TDRD5: variants seen among roughly 807,000 people sequenced by gnomAD.
TDRD5 encodes the protein tudor domain containing 5.
TDRD5 carries 41 observed loss-of-function variants against 120.6 expected under a neutral mutation model. The observed-to-expected ratio is 0.34, with a 90% CI of 0.26 to 0.44. TDRD5 has a LOEUF of 0.44. Among genes scored for constraint, TDRD5 ranks in the 20% least tolerant of loss-of-function variants. The pLI is 1.00. For synonymous variants in TDRD5, 430 were observed against 433.7 expected (o/e 0.99, Z 0.11); for missense variants, 1,006 against 1,221.2 (o/e 0.82, Z 2.63).
rs754420624 is a variant in TDRD5 at position 179,669,220 on chromosome 1, T to G, written c.2676T>G (p.Asp892Glu). 8 of 1,613,812 alleles carry G rather than the reference T, an allele frequency of 5.0e-6. No homozygotes were observed. In the Admixed American group the frequency reaches 1.3e-4, roughly 27 times the overall value. ...AACTAGACATAAATGGTTCTTCAGA[T>G]TCTTCCACACTGCCCAAATTGGAAG... is the stretch of plus-strand genomic sequence containing the variant. ...QKQLDINGSSDSSTLPKLEEF... is the reference protein window; with the variant it reads ...QKQLDINGSSESSTLPKLEEF... Residue 892 changes from aspartate (D) to glutamate (E), a missense_variant, in exon 17 of 18, where the codon GAT becomes GAG. Asp to Glu is a conservative substitution (Grantham distance 45). Coordinates refer to ENST00000444136, the MANE Select transcript of TDRD5 (RefSeq NM_001199085.3).
In TDRD5 at chr1:179,621,473, T is replaced by C. The variant is rs147839522; in HGVS notation, c.972+382T>C. Among the ~76,000 whole-genome samples the C allele has an allele frequency of 2.2e-3, 335 of 152,190 alleles. 6 individuals carry two copies. The highest frequency in any genetic ancestry group is 7.6e-3 in the African/African-American group (316 of 41,526). ...AGTTGAAGGTATGCACCCTCAGGGA[T>C]CCAGTAGTTCCACTTTTACATTTGC... On this transcript the variant is annotated intron_variant, in intron 6 of 17. Coordinates refer to ENST00000444136, the MANE Select transcript of TDRD5 (RefSeq NM_001199085.3).
intron 4 of TDRD5, among the ~76,000 whole-genome samples, chr1:179,610,134 T>C (rs1464493662): frequency 1.3e-5 from 2 of 152,196 alleles, no homozygotes; most frequent in African/African-American, 4.8e-5. Flanking sequence ...TTTCTAGTTA[T>C]TTATGGCAGG....
rs774275509 is a variant in TDRD5, at chr1:179,635,822, A to C, written c.1455A>C (p.Gln485His). 1 of 1,613,878 alleles carries C rather than the reference A, an allele frequency of 6.2e-7. No homozygotes were observed. Among genetic ancestry groups the C allele is most frequent in the Non-Finnish European group, 8.5e-7 (1 of 1,179,970 alleles). Reference sequence around the variant, plus strand: ...TGGAGTATATCATCTCTCCTAGTCAATTCTACATCCGGATCTATAGCAGGG... The same window carrying C: ...TGGAGTATATCATCTCTCCTAGTCACTTCTACATCCGGATCTATAGCAGGG... The part of the protein sequence containing the change: ...VFVEYIISPS[Q>H]FYIRIYSRDS... The change falls in exon 9 of 18, where the codon CAA (glutamine) becomes CAC (histidine). Residue 485 changes from glutamine (Q) to histidine (H), a missense_variant. This residue lies in a region of TDRD5 where 158 missense variants were observed against 257.5 expected (regional missense o/e 0.61). Transcript: ENST00000444136.
chr1:179,650,156 C>T (rs987543567), intron 11 of TDRD5, among the ~76,000 whole-genome samples: 1 of 151,990 alleles, frequency 6.6e-6, no homozygotes, highest in Non-Finnish European at 1.5e-5. Flanking sequence ...ATCCTAGAAC[C>T]TTGGGAGGCC....
chr1:179,686,834 G>A (rs1268695458), intron 17 of TDRD5, among the ~76,000 whole-genome samples: 1 of 152,166 alleles, frequency 6.6e-6, no homozygotes, highest in Non-Finnish European at 1.5e-5. Context: ...TTGCACAGAG[G>A]TATTTACAGT....
intron 4 of TDRD5, among the ~76,000 whole-genome samples, chr1:179,606,502 T>G (rs1429782653): frequency 6.6e-6 from 1 of 152,124 alleles, no homozygotes; most frequent in Non-Finnish European, 1.5e-5. Flanking sequence ...TTCTAGAAAC[T>G]CATCGCCTTA....
intron 16 of TDRD5, among the ~76,000 whole-genome samples, chr1:179,665,863 T>G (rs2147769644): frequency 6.6e-6 from 1 of 152,290 alleles, no homozygotes; most frequent in Middle Eastern, 3.4e-3. Context: ...TGAATATCCC[T>G]TATTCAAAAG....
At chr1:179,687,688 G>A (rs1362452812) in intron 17 of TDRD5, among the ~76,000 whole-genome samples, 1 of 151,706 alleles carries the variant, frequency 6.6e-6, no homozygotes, top group African/African-American at 2.4e-5. Context: ...AAGTCTCTTT[G>A]TAGGTCTCTA....
chr1:179,603,016 A>T (rs1378858030), intron 4 of TDRD5, among the ~76,000 whole-genome samples: 1 of 152,106 alleles, frequency 6.6e-6, no homozygotes, highest in Non-Finnish European at 1.5e-5. Context: ...TGAGCATGGG[A>T]TGTGTTTCCA....
chr1:179,651,740 C>T (rs1179807514), intron 12 of TDRD5, among the ~76,000 whole-genome samples: 4 of 152,036 alleles, frequency 2.6e-5, no homozygotes, highest in African/African-American at 7.2e-5. Context: ...AGTGAAACCT[C>T]GTCTCCACTA....
At chr1:179,603,586 G>T (rs1271067894) in intron 4 of TDRD5, among the ~76,000 whole-genome samples, 2 of 152,166 alleles carry the variant, frequency 1.3e-5, no homozygotes, top group African/African-American at 4.8e-5. Flanking sequence ...TAATCATAAA[G>T]CAATGCTGGA....
At chr1:179,600,066 G>C (rs1231240695) in intron 4 of TDRD5, among the ~76,000 whole-genome samples, 16 of 152,112 alleles carry the variant, frequency 1.1e-4, no homozygotes, top group Non-Finnish European at 4.4e-5. Flanking sequence ...CCTTCAGGAA[G>C]TATTCCAGAA....
intron 9 of TDRD5, among the ~76,000 whole-genome samples, chr1:179,636,196 A>G (rs1366351768): frequency 6.6e-6 from 1 of 152,280 alleles, no homozygotes; most frequent in East Asian, 1.9e-4. Flanking sequence ...TTGCTTCTGC[A>G]TTTAATCTGT....
At chr1:179,661,646 A>G (rs992154430) in intron 14 of TDRD5, among the ~76,000 whole-genome samples, 1 of 152,188 alleles carries the variant, frequency 6.6e-6, no homozygotes, top group South Asian at 2.1e-4. Flanking sequence ...TTCTTGGAAT[A>G]GGGGAGAGTA....
rs759289819 is a variant in TDRD5, at chr1:179,593,899, T to G, written c.640+32T>G. 3.8e-6 allele frequency: 6 copies of G among 1,596,742 alleles called. No individual in the cohort carries two copies. In the South Asian group the frequency reaches 6.8e-5, roughly 18 times the overall value. ...ATGTGAGCAAATGTTGGAGCAGTCA[T>G]GGCACATAGAGGGGTGTGTAATCAC... On this transcript the variant is annotated intron_variant, in intron 3 of 17. Transcript: ENST00000444136.
chr1:179,658,091 T>C (rs1043727776), intron 14 of TDRD5, among the ~76,000 whole-genome samples: 1 of 152,188 alleles, frequency 6.6e-6, no homozygotes, highest in Non-Finnish European at 1.5e-5. Flanking sequence ...TTATTCCTCT[T>C]TCTGTATCTG....
At chr1:179,631,873 T>TG (rs71114537) in intron 7 of TDRD5, among the ~76,000 whole-genome samples, 7 of 148,502 alleles carry the variant, frequency 4.7e-5, no homozygotes, top group African/African-American at 1.7e-4. Context: ...TTTTTTTTTT[T>TG]GTGGGGTGGG....
chr1:179,631,851 A>ATTTTTTTT (rs745777571), intron 7 of TDRD5, among the ~76,000 whole-genome samples: 18 of 74,336 alleles, frequency 2.4e-4, no homozygotes, highest in South Asian at 6.0e-4. Flanking sequence ...AGGGCACTTG[A>ATTTTTTTT]TTTTTTTTTT....
chr1:179,627,107 G>A (rs1416021693), intron 6 of TDRD5, among the ~76,000 whole-genome samples: 1 of 152,172 alleles, frequency 6.6e-6, no homozygotes, highest in Non-Finnish European at 1.5e-5. Flanking sequence ...GATGAAAAGG[G>A]AGTGACTTAT....
Sources: gnomAD v4.1 joint callset for allele counts (sites outside exome capture counted in the v4.1 genomes callset) on GRCh38, gnomAD v4.1.1 for gene constraint, gnomAD v4.1.1 regional missense constraint, MANE v1.5 for transcripts, NCBI Gene and HGNC (gene_info 2026-07-23, HGNC 2026-07-21) for gene names.